PPARG: variants seen among roughly 807,000 people sequenced by gnomAD.
PPARG encodes the protein peroxisome proliferator-activated receptor gamma.
A neutral mutation model predicts 39.2 loss-of-function variants in PPARG; 17 were observed. The ratio of observed to expected loss-of-function variants is 0.43; its 90% CI spans 0.30 to 0.65. The LOEUF is 0.65. Ranked by LOEUF, PPARG falls within the 30% of genes least tolerant of loss-of-function variation. The pLI is 0.13. For synonymous variants in PPARG, 223 were observed against 215.7 expected (o/e 1.03, Z -0.30); for missense variants, 406 against 585.9 (o/e 0.69, Z 3.17).
intron 5 of PPARG, among the ~76,000 whole-genome samples, chr3:12,393,769 A>T (rs996196952): frequency 1.3e-5 from 2 of 152,102 alleles, no homozygotes; most frequent in Admixed American, 6.6e-5. Flanking sequence ...CATCTGAGAA[A>T]ATTAAATTTT....
At chr3:12,287,500 C>A (rs1050015583), upstream of PPARG, 2 of 152,206 alleles carry the variant, frequency 1.3e-5, no homozygotes, top group African/African-American at 4.8e-5. Flanking sequence ...GGAAGACGGC[C>A]TGGCCGATCG....
chr3:12,381,196 T>C, intron 3 of PPARG, 126 bp from the exon 4 acceptor site: 1 of 970,726 alleles, frequency 1.0e-6, no homozygotes, highest in East Asian at 2.6e-5. Flanking sequence ...TTTTTCATGT[T>C]CCACTGTGCT....
chr3:12,387,593 GTTCTTTGTAGA>G (rs1387209002), intron 4 of PPARG, among the ~76,000 whole-genome samples: 1 of 152,102 alleles, frequency 6.6e-6, no homozygotes, highest in African/African-American at 2.4e-5. Context: ...ATTTGTTTAA[GTTCTTTGTAGA>G]TTCTGGATAT....
chr3:12,424,384 G>A (rs540051534), intron 7 of PPARG, among the ~76,000 whole-genome samples: 1 of 152,298 alleles, frequency 6.6e-6, no homozygotes, highest in East Asian at 1.9e-4. Flanking sequence ...CCCAGTGAGC[G>A]AGCAAGCAAT....
rs564953225 is a variant in PPARG, at chr3:12,430,396, A to G, written c.1181-3502A>G. On this transcript the variant is annotated intron_variant, in intron 7 of 7. Transcript: ENST00000651735. ...ACGGTCTAACGGGGGAGAAACAAGA[A>G]AGTCAGAACTTACAATACAAGATAA... is the stretch of plus-strand genomic sequence containing the variant. Among the ~76,000 whole-genome samples, 8 of 152,364 alleles carry G rather than the reference A, an allele frequency of 5.3e-5. No homozygotes were observed. In the South Asian group the frequency reaches 1.5e-3, roughly 28 times the overall value.
At chr3:12,393,051 A>G (rs2125216151) in intron 5 of PPARG, among the ~76,000 whole-genome samples, 1 of 152,334 alleles carries the variant, frequency 6.6e-6, no homozygotes, top group East Asian at 1.9e-4. Flanking sequence ...ATTAATTTTT[A>G]TATTGCCTCA....
At chr3:12,388,578 T>A (rs1290419379) in intron 4 of PPARG, among the ~76,000 whole-genome samples, 1 of 152,154 alleles carries the variant, frequency 6.6e-6, no homozygotes, top group Non-Finnish European at 1.5e-5. Context: ...ATTCAGACTT[T>A]GTAGGAGTCC....
At chr3:12,403,506 C>T (rs867876048) in intron 5 of PPARG, among the ~76,000 whole-genome samples, 1 of 152,022 alleles carries the variant, frequency 6.6e-6, no homozygotes, top group South Asian at 2.1e-4. Context: ...CACACCACCA[C>T]GCCCAGCTAT....
At chr3:12,369,649 A>G (rs2049139769) in intron 2 of PPARG, among the ~76,000 whole-genome samples, 1 of 152,110 alleles carries the variant, frequency 6.6e-6, no homozygotes, top group Non-Finnish European at 1.5e-5. Context: ...TTCACAATGT[A>G]GTTACTTGTA....
chr3:12,312,647 G>GT (rs1482609373), intron 2 of PPARG, among the ~76,000 whole-genome samples, 194 bp downstream of exon 2: 5 of 152,054 alleles, frequency 3.3e-5, no homozygotes, highest in African/African-American at 1.2e-4. Flanking sequence ...CAAAACAAAG[G>GT]TAAGATAGGA....
intron 4 of PPARG, among the ~76,000 whole-genome samples, chr3:12,385,697 C>G (rs971027327): frequency 6.6e-6 from 1 of 152,128 alleles, no homozygotes; most frequent in Admixed American, 6.6e-5. Flanking sequence ...CAAAAGAATG[C>G]CGTATGCTTG....
At chr3:12,393,858 A>G (rs916905091) in intron 5 of PPARG, among the ~76,000 whole-genome samples, 17 of 152,102 alleles carry the variant, frequency 1.1e-4, no homozygotes, top group African/African-American at 3.1e-4. Flanking sequence ...TTAATAACCT[A>G]CCCTTTAAAA....
chr3:12,391,850 A>G (rs1398115570), intron 4 of PPARG, among the ~76,000 whole-genome samples: 2 of 152,222 alleles, frequency 1.3e-5, no homozygotes, highest in African/African-American at 4.8e-5. Flanking sequence ...AATAGAAATG[A>G]ATAGGAATAT....
chr3:12,317,443 T>A (rs2047420355), intron 2 of PPARG, among the ~76,000 whole-genome samples: 1 of 152,212 alleles, frequency 6.6e-6, no homozygotes, highest in South Asian at 2.1e-4. Flanking sequence ...TTACCGTATA[T>A]ACATCACTTG....
In PPARG at chr3:12,375,878, G is replaced by A. The variant is rs79555948; in HGVS notation, c.-8-3826G>A. On this transcript the variant is annotated intron_variant, in intron 2 of 7. Coordinates refer to ENST00000651735, the MANE Select transcript of PPARG (RefSeq NM_138711.6). ...TGTAGATAGACATGTGAACCCATAC[G>A]GTACCTAATTAGTCCTCTTGAAACC... is the stretch of plus-strand genomic sequence containing the variant. 1.7e-3 allele frequency among the ~76,000 whole-genome samples: 254 copies of A among 152,046 alleles called. 4 individuals carry two copies. The East Asian group carries it at 0.045, about 27-fold the overall frequency.
At chr3:12,353,572 G>A (rs1238538723) in intron 2 of PPARG, among the ~76,000 whole-genome samples, 3 of 152,098 alleles carry the variant, frequency 2.0e-5, no homozygotes, top group African/African-American at 4.8e-5. Context: ...TGAAATTGGG[G>A]GTGTTGCAAA....
chr3:12,427,381 C>T (rs962470345), intron 7 of PPARG, among the ~76,000 whole-genome samples: 28 of 152,274 alleles, frequency 1.8e-4, no homozygotes, highest in African/African-American at 6.7e-4. Flanking sequence ...CTGCATCAGG[C>T]ATTATTTTTC....
At chr3:12,362,730 G>A (rs2048889800) in intron 2 of PPARG, among the ~76,000 whole-genome samples, 1 of 151,968 alleles carries the variant, frequency 6.6e-6, no homozygotes, top group African/African-American at 2.4e-5. Flanking sequence ...TCATTACCTT[G>A]TTGCTGATCT....
At chr3:12,306,522 G>C (rs1006415992) in intron 1 of PPARG, among the ~76,000 whole-genome samples, 1 of 152,164 alleles carries the variant, frequency 6.6e-6, no homozygotes, top group Non-Finnish European at 1.5e-5. Flanking sequence ...GTCATGCACA[G>C]GAGCCTACTT....
Sources: allele counts gnomAD v4.1 joint callset (sites outside exome capture counted in the v4.1 genomes callset), GRCh38; gene constraint gnomAD v4.1.1; transcripts MANE v1.5; gene names NCBI Gene and HGNC (gene_info 2026-07-23, HGNC 2026-07-21).